RELL1: variants seen among roughly 807,000 people sequenced by gnomAD.
RELL1 encodes the protein RELT like 1, also known as RELT-like protein 1.
A neutral mutation model predicts 23.0 loss-of-function variants in RELL1; 10 were observed. The observed-to-expected ratio is 0.43, with a 90% CI of 0.27 to 0.74. The LOEUF (loss-of-function observed/expected upper bound fraction) is 0.74, where lower values mean the gene tolerates loss of function less well. RELL1 is among the 30% of genes least tolerant of loss of function. The pLI is 0.19. For missense variants in RELL1, 315 were observed against 364.4 expected (o/e 0.86, Z 1.10); for synonymous variants, 146 against 146.8 (o/e 0.99, Z 0.04).
At chr4:37,647,823 T>C (rs1286465375) in intron 2 of RELL1, among the ~76,000 whole-genome samples, 1 of 152,272 alleles carries the variant, frequency 6.6e-6, no homozygotes, top group Admixed American at 6.5e-5. Context: ...GCAGACTTAC[T>C]ATATCAATTT....
At chr4:37,587,028 G>T (rs1028148769), downstream of RELL1, among the ~76,000 whole-genome samples, 2 of 151,848 alleles carry the variant, frequency 1.3e-5, no homozygotes, top group African/African-American at 4.8e-5. Flanking sequence ...AGGGATCAAG[G>T]TGTCACCGGG....
chr4:37,673,186 C>CTTTTTTT (rs71189095), intron 1 of RELL1, among the ~76,000 whole-genome samples: 6,854 of 93,030 alleles, frequency 0.074, 1,733 homozygotes, highest in East Asian at 0.25. Context: ...CTTTTTTTTT[C>CTTTTTTT]TTTTTTTTTT....
intron 1 of RELL1, among the ~76,000 whole-genome samples, chr4:37,671,783 T>C (rs1474779619): frequency 6.6e-6 from 1 of 152,166 alleles, no homozygotes; most frequent in Non-Finnish European, 1.5e-5. Flanking sequence ...TCCAATAACC[T>C]TGATTTCACT....
chr4:37,662,564 A>T (rs1210378781), intron 1 of RELL1, among the ~76,000 whole-genome samples: 1 of 142,830 alleles, frequency 7.0e-6, no homozygotes, highest in Non-Finnish European at 1.5e-5. Context: ...TGATGTCAAT[A>T]TAAAGAAACA....
chr4:37,640,015 T>G (rs1720471385), intron 3 of RELL1, among the ~76,000 whole-genome samples: 1 of 152,218 alleles, frequency 6.6e-6, no homozygotes, highest in Non-Finnish European at 1.5e-5. Flanking sequence ...GGCAGATATA[T>G]TATATACTCA....
At chr4:37,631,842 G>C (rs917601327) in intron 5 of RELL1, among the ~76,000 whole-genome samples, 1 of 152,058 alleles carries the variant, frequency 6.6e-6, no homozygotes, top group Non-Finnish European at 1.5e-5. Context: ...CACTTTGGAA[G>C]GCTGAGGTGG....
chr4:37,628,453 A>T (rs1295234357), intron 6 of RELL1, among the ~76,000 whole-genome samples: 1 of 152,174 alleles, frequency 6.6e-6, no homozygotes, highest in Non-Finnish European at 1.5e-5. Flanking sequence ...ATACCCAAAA[A>T]ACTGTAGGTA....
At chr4:37,636,611 A>G (rs1312001635) in intron 4 of RELL1, among the ~76,000 whole-genome samples, 2 of 149,484 alleles carry the variant, frequency 1.3e-5, no homozygotes, top group Non-Finnish European at 3.0e-5. Context: ...AAAAAAAAAA[A>G]GCAGAAATAC....
intron 1 of RELL1, among the ~76,000 whole-genome samples, chr4:37,675,165 C>T (rs1009564149): frequency 1.8e-4 from 27 of 152,216 alleles, no homozygotes; most frequent in Admixed American, 1.1e-3. Flanking sequence ...CTGCTAAAAA[C>T]AAAATCTACA....
chr4:37,669,240 T>A (rs1351853494), intron 1 of RELL1, among the ~76,000 whole-genome samples: 1 of 102,496 alleles, frequency 9.8e-6, no homozygotes, highest in African/African-American at 4.7e-5. Flanking sequence ...GAGGTGGGGG[T>A]CAGCCCCCCG....
intron 1 of RELL1, among the ~76,000 whole-genome samples, chr4:37,683,734 G>T (rs1231650361): frequency 6.6e-6 from 1 of 150,462 alleles, no homozygotes; most frequent in Non-Finnish European, 1.5e-5. Flanking sequence ...CCTCAGCCTG[G>T]GAGTCAGAGC....
rs1560328454 is a variant in RELL1 at position 37,612,349 on chromosome 4, C to CA, written c.*996dup. Among the ~76,000 whole-genome samples, 1 of 99,636 alleles carries CA rather than the reference C, an allele frequency of 1.0e-5. No homozygotes were observed. Among genetic ancestry groups the CA allele is most frequent in the African/African-American group, 3.8e-5 (1 of 26,234 alleles). The allele number at this position is 99,636 out of a possible 152,430, so 65.4% of individuals were successfully genotyped here. ...AAAAAAAAAAAAAAACAAAAAAAAACAAAAAACCGGGTGCAGTGGCCCACG... is the reference window on the plus strand; with the variant it reads ...AAAAAAAAAAAAAAACAAAAAAAAACAAAAAAACCGGGTGCAGTGGCCCACG... On this transcript the variant is annotated 3_prime_UTR_variant, in exon 7 of 7. Transcript: ENST00000454158.
chr4:37,682,410 A>G (rs1003549943), intron 1 of RELL1, among the ~76,000 whole-genome samples: 2 of 152,232 alleles, frequency 1.3e-5, no homozygotes, highest in Non-Finnish European at 1.5e-5. Context: ...TCTTTTTGTC[A>G]GCTTTAAATC....
At chr4:37,595,929 A>G (rs757956049) in intron 6 of RELL1, among the ~76,000 whole-genome samples, 11 of 152,184 alleles carry the variant, frequency 7.2e-5, no homozygotes, top group Non-Finnish European at 1.2e-4. Context: ...AGAGAAGGAA[A>G]AAAAGGGTGT....
At position 37,647,407 on chromosome 4, in the gene RELL1, T is replaced by C. The variant is rs1241054585; in HGVS notation, c.346A>G (p.Thr116Ala). The C allele has an allele frequency of 6.2e-7, 1 of 1,613,450 alleles. No individual in the cohort carries two copies. Among genetic ancestry groups the C allele is most frequent in the South Asian group, 1.1e-5 (1 of 91,036 alleles). The change falls in exon 3 of 7, where the codon ACT becomes GCT. Residue 116 changes from threonine (T) to alanine (A), a missense_variant. Thr to Ala is a moderately conservative substitution (Grantham distance 58, BLOSUM62 0). Coordinates refer to ENST00000454158, the MANE Select transcript of RELL1 (RefSeq NM_001085400.2). Reference protein sequence around the residue: ...LNDSVNENSDTVGQIVHYIMK... With the variant: ...LNDSVNENSDAVGQIVHYIMK... ...ATGTAGTGGACGATTTGCCCAACAG[T>C]GTCACTGTTTTCATTCACACTGTCA... is the stretch of plus-strand genomic sequence containing the variant.
At chr4:37,683,192 G>A (rs1156472030) in intron 1 of RELL1, among the ~76,000 whole-genome samples, 1 of 152,196 alleles carries the variant, frequency 6.6e-6, no homozygotes, top group East Asian at 1.9e-4. Flanking sequence ...CAGCGAGATT[G>A]CAGAGGTTGA....
intron 6 of RELL1, among the ~76,000 whole-genome samples, chr4:37,617,123 T>C (rs1237000071): frequency 6.6e-6 from 1 of 152,188 alleles, no homozygotes; most frequent in East Asian, 1.9e-4. Context: ...AAAATCAGTG[T>C]TTCCCAGAAT....
At chr4:37,642,631 C>A (rs908609420) in intron 3 of RELL1, among the ~76,000 whole-genome samples, 11 of 152,064 alleles carry the variant, frequency 7.2e-5, no homozygotes, top group Non-Finnish European at 5.9e-5. Flanking sequence ...TAATGAGCAC[C>A]TTTTGATCAC....
chr4:37,660,822 G>T (rs1287489248), intron 1 of RELL1, among the ~76,000 whole-genome samples: 1 of 152,106 alleles, frequency 6.6e-6, no homozygotes, highest in Non-Finnish European at 1.5e-5. Flanking sequence ...ACAAGGTCAG[G>T]AGATCAAGAC....
Sources: gnomAD v4.1 joint callset for allele counts (sites outside exome capture counted in the v4.1 genomes callset) on GRCh38, gnomAD v4.1.1 for gene constraint, MANE v1.5 for transcripts, NCBI Gene and HGNC (gene_info 2026-07-23, HGNC 2026-07-21) for gene names.